Variants in GXYLT2 observed in about 807,000 individuals in gnomAD.
The protein encoded by GXYLT2 is glycosyltransferase 8 domain containing 4.
In GXYLT2, 53 loss-of-function variants were observed where a neutral mutation model predicts 45.8. The observed-to-expected ratio is 1.16, with a 90% CI of 0.93 to 1.46. The LOEUF is 1.46. Ranked by LOEUF, GXYLT2 falls within the 40% of genes most tolerant of loss-of-function variation. The pLI is 0.00. For missense variants in GXYLT2, 551 were observed against 544.4 expected (o/e 1.01, Z -0.12); for synonymous variants, 219 against 214.2 (o/e 1.02, Z -0.19).
Position 72,888,499 on chromosome 3 carries a change from A to C in GXYLT2, c.266A>C (p.Lys89Thr). 4.1e-6 allele frequency: 5 copies of C among 1,233,994 alleles called. No homozygotes were observed. The highest frequency in any genetic ancestry group is 2.6e-5 in the South Asian group (1 of 38,480). The allele number at this position is 1,233,994 out of a possible 1,614,324, so 76.4% of individuals were successfully genotyped here. The part of the protein sequence containing the change: ...AGRRGAARLE[K>T]LARRPGEPRS... ...CGCCGGGGCGCTGCGAGACTGGAGA[A>C]GTTGGCGAGGTGAGTCGTGGCAACC... Residue 89 changes from lysine to threonine, a missense_variant, in exon 1 of 7, where the codon AAG (lysine) becomes ACG (threonine). Coordinates refer to ENST00000389617, the MANE Select transcript of GXYLT2 (RefSeq NM_001080393.2).
At position 72,955,223 on chromosome 3, in the gene GXYLT2, T is replaced by C; in HGVS notation, c.726T>C (p.Pro242=). The change falls in exon 4 of 7, where the codon CCT becomes CCC. Residue 242 remains proline (P), a synonymous_variant. Coordinates refer to ENST00000389617, the MANE Select transcript of GXYLT2 (RefSeq NM_001080393.2). ...CCACCCAGCTTGCAGCCATGGCCCC[T>C]GAGCACGAAATCCCCAAGATTGGCT... The part of the protein sequence containing the change: ...FNSTQLAAMA[P]EHEIPKIGWY... 6.2e-7 allele frequency: 1 copy of C among 1,614,070 alleles called. No individual in the cohort carries two copies. Among genetic ancestry groups the C allele is most frequent in the Non-Finnish European group, 8.5e-7 (1 of 1,179,902 alleles).
chr3:72,928,972 C>T, intron 3 of GXYLT2: 2 of 924,698 alleles, frequency 2.2e-6, no homozygotes, highest in Non-Finnish European at 3.4e-6. Flanking sequence ...ACCGCGCCCT[C>T]GGTACCGCCC....
In GXYLT2 at chr3:72,967,565, C is replaced by A; in HGVS notation, c.995C>A (p.Pro332His). The A allele has an allele frequency of 6.2e-7, 1 of 1,613,522 alleles. No individual in the cohort carries two copies. Among genetic ancestry groups the A allele is most frequent in the South Asian group, 1.1e-5 (1 of 91,034 alleles). ...CCACCAGAGTGTCTCTATGTATTCCCCTGCCAGTGGAACTACCGTCCCGAT... is the reference window on the plus strand; with the variant it reads ...CCACCAGAGTGTCTCTATGTATTCCACTGCCAGTGGAACTACCGTCCCGAT... Reference protein sequence around the residue: ...YFNPECLYVFPCQWNYRPDHC... With the variant: ...YFNPECLYVFHCQWNYRPDHC... The change falls in exon 6 of 7, where the codon CCC becomes CAC. Residue 332 changes from proline (P) to histidine (H), a missense_variant. By Grantham distance (77) the Pro-to-His change is moderately conservative. Coordinates refer to ENST00000389617, the MANE Select transcript of GXYLT2 (RefSeq NM_001080393.2).
intron 3 of GXYLT2, among the ~76,000 whole-genome samples, chr3:72,932,270 C>G (rs373069683): frequency 4.3e-4 from 66 of 152,202 alleles, no homozygotes; most frequent in African/African-American, 1.6e-3. Flanking sequence ...GTTGGCCAGG[C>G]TGGTCTCAAA....
intron 5 of GXYLT2, among the ~76,000 whole-genome samples, chr3:72,964,821 T>A (rs1710835527): frequency 6.6e-6 from 1 of 152,218 alleles, no homozygotes; most frequent in African/African-American, 2.4e-5. Flanking sequence ...TTTATTCAAC[T>A]GGAAACTTTA....
chr3:72,973,428 A>G (rs760916999), intron 6 of GXYLT2, among the ~76,000 whole-genome samples: 22 of 152,350 alleles, frequency 1.4e-4, no homozygotes, highest in Admixed American at 2.6e-4. Flanking sequence ...TTGAACCTTT[A>G]GAACAAGGGA....
chr3:72,973,877 A>G (rs1711043046), intron 6 of GXYLT2, among the ~76,000 whole-genome samples: 1 of 152,146 alleles, frequency 6.6e-6, no homozygotes, highest in Non-Finnish European at 1.5e-5. Context: ...TCCCAAACCA[A>G]CCTGGTCTGG....
At chr3:72,972,148 A>G (rs758389535) in intron 6 of GXYLT2, among the ~76,000 whole-genome samples, 2 of 151,970 alleles carry the variant, frequency 1.3e-5, no homozygotes, top group Non-Finnish European at 2.9e-5. Context: ...AGGTGCTCAT[A>G]GACATCCTAA....
chr3:72,967,749 T>C, intron 6 of GXYLT2, 30 bp downstream of exon 6: 2 of 1,598,048 alleles, frequency 1.3e-6, no homozygotes, highest in South Asian at 2.2e-5. Flanking sequence ...TGTTAGCAGA[T>C]GTGCTTATCA....
intron 3 of GXYLT2, chr3:72,929,034 C>A (rs927051594): frequency 6.6e-6 from 10 of 1,511,922 alleles, no homozygotes; most frequent in Non-Finnish European, 7.2e-6. Context: ...CTCTCCTTAG[C>A]CGCCGCCGTG....
chr3:72,921,142 T>C (rs960337945), intron 2 of GXYLT2, among the ~76,000 whole-genome samples: 17 of 151,102 alleles, frequency 1.1e-4, no homozygotes, highest in South Asian at 2.1e-4. Flanking sequence ...TTTTTTCCTA[T>C]AAGACAGAAC....
intron 3 of GXYLT2, among the ~76,000 whole-genome samples, chr3:72,948,789 A>T (rs933332591): frequency 6.7e-5 from 10 of 149,860 alleles, no homozygotes; most frequent in African/African-American, 2.5e-4. Flanking sequence ...GTGCGCCAAG[A>T]TCATGCCACT....
At chr3:72,907,861 T>C (rs542012264) in intron 1 of GXYLT2, among the ~76,000 whole-genome samples, 1 of 152,214 alleles carries the variant, frequency 6.6e-6, no homozygotes, top group Non-Finnish European at 1.5e-5. Context: ...CAGACTTGCA[T>C]GACTTGCTTT....
intron 2 of GXYLT2, among the ~76,000 whole-genome samples, chr3:72,920,758 C>T (rs1161383645): frequency 2.0e-5 from 3 of 151,138 alleles, no homozygotes; most frequent in African/African-American, 7.3e-5. Context: ...TAATTTGGTG[C>T]ATATCCATCT....
rs1320081006 is a variant in GXYLT2, at chr3:72,975,931, T to C, written c.*772T>C. The C allele has an allele frequency of 7.8e-5, 10 of 128,242 alleles. No homozygotes were observed. Among genetic ancestry groups the C allele is most frequent in the Non-Finnish European group, 5.3e-5 (3 of 56,586 alleles). The allele number at this position is 128,242 out of a possible 1,614,324, so 7.9% of individuals were successfully genotyped here. A position where few individuals can be genotyped will look rare whatever the true frequency, so the allele number is the denominator to read the frequency against. ...TTTCTTCTTTTTCTTTCTTTCTTTT[T>C]TTTTTTTTTTTTTTTTTTGAGACGG... On this transcript the variant is annotated 3_prime_UTR_variant, in exon 7 of 7. Transcript: ENST00000389617.
At chr3:72,903,842 T>A (rs1709452594) in intron 1 of GXYLT2, among the ~76,000 whole-genome samples, 2 of 152,232 alleles carry the variant, frequency 1.3e-5, no homozygotes, top group South Asian at 4.1e-4. Flanking sequence ...TTACGACTCT[T>A]ATTTTGATTG....
chr3:72,899,613 A>C (rs555651712), intron 1 of GXYLT2, among the ~76,000 whole-genome samples: 22 of 152,236 alleles, frequency 1.4e-4, no homozygotes, highest in Middle Eastern at 3.4e-3. Flanking sequence ...TGTGGTTTGC[A>C]GGGAACTTTA....
intron 3 of GXYLT2, among the ~76,000 whole-genome samples, chr3:72,940,881 T>C (rs1710284634): frequency 6.6e-6 from 1 of 152,168 alleles, no homozygotes; most frequent in Non-Finnish European, 1.5e-5. Flanking sequence ...TGGATCTGTA[T>C]GTTGCCCAGG....
intron 5 of GXYLT2, among the ~76,000 whole-genome samples, chr3:72,961,295 G>C (rs1710763645): frequency 6.6e-6 from 1 of 152,178 alleles, no homozygotes; most frequent in African/African-American, 2.4e-5. Context: ...ATAGGAAGAT[G>C]TGTTTAGATG....
Sources: allele counts gnomAD v4.1 joint callset (sites outside exome capture counted in the v4.1 genomes callset), GRCh38; gene constraint gnomAD v4.1.1; transcripts MANE v1.5; gene names NCBI Gene and HGNC (gene_info 2026-07-23, HGNC 2026-07-21).